NSL1: variants seen among roughly 807,000 people sequenced by gnomAD.
NSL1 encodes kinetochore-associated protein NSL1 homolog.
Under a neutral mutation model 25.4 loss-of-function variants are expected in NSL1, and 11 were observed. The ratio of observed to expected loss-of-function variants is 0.43; its 90% CI spans 0.27 to 0.72. The LOEUF (loss-of-function observed/expected upper bound fraction) is 0.72. Among genes scored for constraint, NSL1 ranks in the 30% least tolerant of loss-of-function variants. The pLI is 0.19. For synonymous variants in NSL1, 118 were observed against 120.6 expected, an observed-to-expected ratio of 0.98 and a Z score of 0.14; for missense variants, 330 against 342.7, an observed-to-expected ratio of 0.96 and a Z score of 0.29.
chr1:212,791,467 C>A (rs1239220369), intron 1 of NSL1, 63 bp downstream of exon 1: 53 of 1,442,572 alleles, frequency 3.7e-5, no homozygotes, highest in Non-Finnish European at 4.9e-5. Context: ...CTTTCTGAAT[C>A]CTAAGATCCT....
At position 212,760,564 on chromosome 1, in the gene NSL1, G is replaced by A. The variant is rs554669353; in HGVS notation, c.500-20963C>T. 2.6e-5 allele frequency among the ~76,000 whole-genome samples: 4 copies of A among 151,926 alleles called. No homozygotes were observed. In the South Asian group the frequency reaches 8.3e-4, roughly 32 times the overall value. On this transcript the variant is annotated intron_variant, in intron 4 of 5. Transcript: ENST00000366977. The surrounding 1 kb of genome is among the most constrained non-coding windows in gnomAD (Gnocchi z 4.3). ...GCCTATCATCACCACCACCATCACC[G>A]CCAGGACCCCCCTAAATGTGCTCTG...
At chr1:212,767,087 AC>A (rs1659855613) in intron 4 of NSL1, among the ~76,000 whole-genome samples, 1 of 152,196 alleles carries the variant, frequency 6.6e-6, no homozygotes. Flanking sequence ...ACTAGAAAAA[AC>A]AATCCTAAAA....
At chr1:212,747,821 A>T (rs529108350) in intron 4 of NSL1, among the ~76,000 whole-genome samples, 2 of 152,216 alleles carry the variant, frequency 1.3e-5, no homozygotes, top group Admixed American at 6.5e-5. Context: ...GCTGGAGTGC[A>T]GTGGTGTGAT....
chr1:212,760,618 A>ACCACCACTGCCG lies in NSL1; in HGVS notation c.500-21029_500-21018dup, dbSNP rs1659520649. ...GGACTGGCCAGCCCAGTCCATTGCCACCACCACTGCCGCCTGTGCTTGCTG... is the reference window on the plus strand; with the variant it reads ...GGACTGGCCAGCCCAGTCCATTGCCACCACCACTGCCGCCACCACTGCCGCCTGTGCTTGCTG... On this transcript the variant is annotated intron_variant, in intron 4 of 5. Coordinates refer to ENST00000366977, the MANE Select transcript of NSL1 (RefSeq NM_015471.4). This position sits in a 1 kb window ranked among gnomAD's most constrained non-coding sequence, Gnocchi z 4.3. 6.6e-6 allele frequency among the ~76,000 whole-genome samples: 1 copy of ACCACCACTGCCG among 151,838 alleles called. No homozygotes were observed. The highest frequency in any genetic ancestry group is 2.4e-5 in the African/African-American group (1 of 41,314).
intron 4 of NSL1, among the ~76,000 whole-genome samples, chr1:212,768,006 A>G (rs1204271380): frequency 6.6e-6 from 1 of 152,254 alleles, no homozygotes; most frequent in African/African-American, 2.4e-5. Context: ...TATTGAAAAC[A>G]ATATGGAGAT....
At chr1:212,757,201 G>A (rs184633804) in intron 4 of NSL1, among the ~76,000 whole-genome samples, 1 of 152,298 alleles carries the variant, frequency 6.6e-6, no homozygotes, top group African/African-American at 2.4e-5. Flanking sequence ...AGCACAGTAA[G>A]CGAGGGTGAG....
chr1:212,783,132 A>G (rs1464636634), intron 3 of NSL1, among the ~76,000 whole-genome samples: 1 of 152,148 alleles, frequency 6.6e-6, no homozygotes, highest in Non-Finnish European at 1.5e-5. Flanking sequence ...CAAGGAGGGA[A>G]GAAGGGAGGA....
chr1:212,774,310 T>A (rs761448304), intron 4 of NSL1, among the ~76,000 whole-genome samples: 1 of 152,206 alleles, frequency 6.6e-6, no homozygotes, highest in Non-Finnish European at 1.5e-5. Context: ...ATACCTGTTT[T>A]GATCATTACA....
intron 4 of NSL1, among the ~76,000 whole-genome samples, chr1:212,755,776 T>C (rs1350048157): frequency 6.6e-6 from 1 of 151,196 alleles, no homozygotes; most frequent in African/African-American, 2.5e-5. Context: ...TATATCTATA[T>C]GTAATTATTA....
rs1221093931 is a variant in NSL1 at position 212,779,492 on chromosome 1, C to T, written c.499+2880G>A. 2.0e-4 allele frequency among the ~76,000 whole-genome samples: 25 copies of T among 124,302 alleles called. No individual in the cohort carries two copies. The South Asian group carries it at 5.5e-3, about 27-fold the overall frequency. 81.5% of individuals were successfully genotyped at this position (124,302 alleles called of 152,430 possible). ...AGCCCCTCTGCACGGCCAGCCGCCC[C>T]GTCCGGGAGGGAGGTGGGGGGGTCA... is the stretch of plus-strand genomic sequence containing the variant. On this transcript the variant is annotated intron_variant, in intron 4 of 5. Coordinates refer to ENST00000366977, the MANE Select transcript of NSL1 (RefSeq NM_015471.4).
intron 4 of NSL1, among the ~76,000 whole-genome samples, chr1:212,758,590 T>G (rs1438296797): frequency 1.3e-5 from 2 of 152,320 alleles, no homozygotes; most frequent in East Asian, 3.9e-4. Context: ...TAGGAATAAG[T>G]TTCACAAAAG....
At chr1:212,744,086 G>C (rs1658635151) in intron 4 of NSL1, among the ~76,000 whole-genome samples, 1 of 152,210 alleles carries the variant, frequency 6.6e-6, no homozygotes, top group Non-Finnish European at 1.5e-5. Context: ...TGCAGCACAG[G>C]AAGTCAGTTG....
Position 212,728,920 on chromosome 1 carries a change from AT to A in NSL1, c.*9487del. ...ACCACTCTGGCAAAGAGCAGTGTTTATTTGTGTGTTTGAACGTTTGTTCCCT... is the reference window on the plus strand; with the variant it reads ...ACCACTCTGGCAAAGAGCAGTGTTTATTGTGTGTTTGAACGTTTGTTCCCT... On this transcript the variant is annotated 3_prime_UTR_variant, in exon 6 of 6. Transcript: ENST00000366977. The A allele has an allele frequency of 1.0e-6, 1 of 985,386 alleles. No homozygotes were observed. The highest frequency in any genetic ancestry group is 1.2e-6 in the Non-Finnish European group (1 of 829,934). 61.0% of individuals were successfully genotyped at this position (985,386 alleles called of 1,614,324 possible). A position where few individuals can be genotyped will look rare whatever the true frequency, so the allele number is the denominator to read the frequency against.
Position 212,727,637 on chromosome 1 carries a change from T to C in NSL1, c.*10771A>G. 2.0e-6 allele frequency: 2 copies of C among 985,368 alleles called. No individual in the cohort carries two copies. Among genetic ancestry groups the C allele is most frequent in the Non-Finnish European group, 2.4e-6 (2 of 829,878 alleles). The allele number at this position is 985,368 out of a possible 1,614,324, so 61.0% of individuals were successfully genotyped here. On this transcript the variant is annotated 3_prime_UTR_variant, in exon 6 of 6. Transcript: ENST00000366977. ...CTTCTAAAATTCACACGTCACAAAT[T>C]CAGAATTTACTATAATTATAATCCT...
intron 2 of NSL1, among the ~76,000 whole-genome samples, chr1:212,785,637 G>A (rs1313457244): frequency 1.3e-5 from 2 of 152,012 alleles, no homozygotes; most frequent in East Asian, 3.9e-4. Flanking sequence ...GTCTGAGATG[G>A]GGCCCAGAAA....
chr1:212,768,791 G>C lies in NSL1; in HGVS notation c.499+13581C>G, dbSNP rs188189217. The stretch of plus-strand genomic sequence containing the variant: ...ACAGTGTACACTGCTTGGGTGAGGA[G>C]TGCACTAAAACCTCAGAAATCACCA... On this transcript the variant is annotated intron_variant, in intron 4 of 5. Transcript: ENST00000366977. 3.1e-3 allele frequency among the ~76,000 whole-genome samples: 474 copies of C among 152,232 alleles called. 2 individuals carry two copies. Among genetic ancestry groups the C allele is most frequent in the African/African-American group, 0.011 (437 of 41,534 alleles).
Position 212,730,090 on chromosome 1 carries a change from A to G in NSL1, c.*8318T>C. On this transcript the variant is annotated 3_prime_UTR_variant, in exon 6 of 6. Coordinates refer to ENST00000366977, the MANE Select transcript of NSL1 (RefSeq NM_015471.4). ...ACATGGCAAAACCTCATCTCTATAA[A>G]AATGCAAATATTAGCCCAGCATGGT... 1 of 831,166 alleles carries G rather than the reference A, an allele frequency of 1.2e-6. No individual in the cohort carries two copies. Among genetic ancestry groups the G allele is most frequent in the South Asian group, 5.5e-5 (1 of 18,200 alleles). The allele number at this position is 831,166 out of a possible 1,614,324, so 51.5% of individuals were successfully genotyped here.
Position 212,736,139 on chromosome 1 carries a change from G to A in NSL1, c.*2269C>T, listed in dbSNP as rs1467341522. Reference sequence around the variant, plus strand: ...TGCAACTTCTGCCTCCAGGGCTCAAGTGATCCTCTCATTTCAGCCTCCTGG... The same window carrying A: ...TGCAACTTCTGCCTCCAGGGCTCAAATGATCCTCTCATTTCAGCCTCCTGG... On this transcript the variant is annotated 3_prime_UTR_variant, in exon 6 of 6. Coordinates refer to ENST00000366977, the MANE Select transcript of NSL1 (RefSeq NM_015471.4). 2.5e-6 allele frequency: 2 copies of A among 786,526 alleles called. No homozygotes were observed. Among genetic ancestry groups the A allele is most frequent in the Non-Finnish European group, 1.5e-6 (1 of 648,572 alleles). 48.7% of individuals were successfully genotyped at this position (786,526 alleles called of 1,614,324 possible).
intron 4 of NSL1, chr1:212,782,018 A>G (rs1004184881): frequency 1.8e-6 from 1 of 540,586 alleles, no homozygotes; most frequent in Admixed American, 1.9e-5. Flanking sequence ...GTGTGACACT[A>G]TGAGAGAATG....
Sources: gnomAD v4.1 joint callset for allele counts (sites outside exome capture counted in the v4.1 genomes callset) on GRCh38, gnomAD v4.1.1 for gene constraint, Gnocchi (gnomAD v3.1) non-coding constraint, MANE v1.5 for transcripts, NCBI Gene and HGNC (gene_info 2026-07-23, HGNC 2026-07-21) for gene names.